Variants in SLC35F1 observed in about 807,000 individuals in gnomAD.
SLC35F1 encodes solute carrier family 35 member F1.
A neutral mutation model predicts 48.7 loss-of-function variants in SLC35F1; 14 were observed. The ratio of observed to expected loss-of-function variants is 0.29; its 90% CI spans 0.19 to 0.45. The LOEUF (loss-of-function observed/expected upper bound fraction) is 0.45. SLC35F1 is among the 20% of genes least tolerant of loss of function. SLC35F1 has a pLI of 1.00. For synonymous variants in SLC35F1, 190 were observed against 202.2 expected, an observed-to-expected ratio of 0.94 and a Z score of 0.51; for missense variants, 404 against 500.0, an observed-to-expected ratio of 0.81 and a Z score of 1.83.
chr6:118,285,597 G>A (rs917064799), intron 7 of SLC35F1, among the ~76,000 whole-genome samples: 5 of 152,192 alleles, frequency 3.3e-5, no homozygotes, highest in Non-Finnish European at 7.4e-5. Flanking sequence ...GAATACTGGG[G>A]ACAGCTTTCC....
At chr6:118,218,389 A>T (rs772445267) in intron 2 of SLC35F1, among the ~76,000 whole-genome samples, 3 of 152,160 alleles carry the variant, frequency 2.0e-5, no homozygotes, top group Non-Finnish European at 2.9e-5. Flanking sequence ...TTGAAGTCAG[A>T]TCTAAAAATA....
intron 1 of SLC35F1, among the ~76,000 whole-genome samples, chr6:117,991,290 G>GA (rs144270421): frequency 0.018 from 2,740 of 148,472 alleles, 33 homozygotes; most frequent in East Asian, 0.032. Flanking sequence ...AGTTCTTTCA[G>GA]AAAAAAAAAA....
chr6:118,295,882 T>G (rs1776177359), intron 7 of SLC35F1, among the ~76,000 whole-genome samples: 1 of 152,186 alleles, frequency 6.6e-6, no homozygotes, highest in Non-Finnish European at 1.5e-5. Flanking sequence ...GTATTACACA[T>G]GGAATACCAA....
At chr6:118,009,231 T>C (rs540100149) in intron 1 of SLC35F1, among the ~76,000 whole-genome samples, 3 of 152,134 alleles carry the variant, frequency 2.0e-5, no homozygotes, top group Non-Finnish European at 4.4e-5. Flanking sequence ...TCTGCCTTCA[T>C]GGATAGAGGA....
intron 7 of SLC35F1, among the ~76,000 whole-genome samples, chr6:118,300,299 A>T (rs1776241317): frequency 6.6e-6 from 1 of 152,208 alleles, no homozygotes; most frequent in Non-Finnish European, 1.5e-5. Context: ...ACAGGAAGTC[A>T]TATGCAAATA....
rs185752328 is a variant in SLC35F1, at chr6:118,204,494, T to C, written c.350-31015T>C. Among the ~76,000 whole-genome samples, 239 of 152,332 alleles carry C rather than the reference T, an allele frequency of 1.6e-3. 1 individual carries two copies. Among genetic ancestry groups the C allele is most frequent in the Middle Eastern group, 0.014 (4 of 294 alleles). The stretch of plus-strand genomic sequence containing the variant: ...ACAAATGAAGCATATCTTCTCGTAA[T>C]TTCTGACCACTAGTCAATTCCTATG... On this transcript the variant is annotated intron_variant, in intron 2 of 7. Transcript: ENST00000360388.
At chr6:117,930,122 T>C (rs1776081838) in intron 1 of SLC35F1, among the ~76,000 whole-genome samples, 1 of 152,170 alleles carries the variant, frequency 6.6e-6, no homozygotes, top group Admixed American at 6.6e-5. Context: ...AGAGCAGATA[T>C]TAGTTGGTAC....
chr6:118,063,890 G>A (rs952844811), intron 1 of SLC35F1, among the ~76,000 whole-genome samples: 1 of 152,144 alleles, frequency 6.6e-6, no homozygotes. Flanking sequence ...TAGTGAAGGT[G>A]TGGTAATGCA....
At chr6:117,979,012 G>C (rs1038491798) in intron 1 of SLC35F1, among the ~76,000 whole-genome samples, 3 of 151,984 alleles carry the variant, frequency 2.0e-5, no homozygotes, top group African/African-American at 7.2e-5. Context: ...TCTGGTCCCT[G>C]TCAGGCTTGA....
At chr6:118,171,043 T>A (rs919372084) in intron 2 of SLC35F1, among the ~76,000 whole-genome samples, 20 of 152,184 alleles carry the variant, frequency 1.3e-4, no homozygotes, top group African/African-American at 4.6e-4. Flanking sequence ...TTTGTTCTTC[T>A]TTTTTCTTTT....
At chr6:117,972,589 C>T (rs527897812) in intron 1 of SLC35F1, among the ~76,000 whole-genome samples, 9 of 152,238 alleles carry the variant, frequency 5.9e-5, no homozygotes, top group East Asian at 3.9e-4. Flanking sequence ...TGGCAGAAGG[C>T]GAAGGAGGAG....
At chr6:118,292,940 A>T (rs1776142626) in intron 7 of SLC35F1, among the ~76,000 whole-genome samples, 1 of 152,176 alleles carries the variant, frequency 6.6e-6, no homozygotes, top group Non-Finnish European at 1.5e-5. Flanking sequence ...ACCTGACAAC[A>T]TTATTGAATC....
At chr6:118,123,118 T>C (rs1414050371) in intron 1 of SLC35F1, among the ~76,000 whole-genome samples, 1 of 152,184 alleles carries the variant, frequency 6.6e-6, no homozygotes, top group Non-Finnish European at 1.5e-5. Context: ...TTGTATTATG[T>C]TCCTTGTATT....
At chr6:117,999,899 G>A (rs1257470335) in intron 1 of SLC35F1, among the ~76,000 whole-genome samples, 1 of 151,960 alleles carries the variant, frequency 6.6e-6, no homozygotes, top group Non-Finnish European at 1.5e-5. Context: ...ACTAAACCAG[G>A]AAGAAGTTGA....
chr6:118,112,533 G>A (rs1036913938), intron 1 of SLC35F1, among the ~76,000 whole-genome samples: 1 of 151,880 alleles, frequency 6.6e-6, no homozygotes, highest in African/African-American at 2.4e-5. Flanking sequence ...TGCACTGTGG[G>A]CTTACCCTGA....
intron 1 of SLC35F1, among the ~76,000 whole-genome samples, chr6:118,147,843 T>C (rs957415480): frequency 9.2e-5 from 14 of 152,284 alleles, no homozygotes; most frequent in African/African-American, 3.4e-4. Flanking sequence ...ATGGATACCA[T>C]GGAGCCAAAG....
intron 3 of SLC35F1, among the ~76,000 whole-genome samples, chr6:118,258,318 C>T (rs1302831296): frequency 6.6e-6 from 1 of 152,108 alleles, no homozygotes; most frequent in Non-Finnish European, 1.5e-5. Context: ...ACATCAATAT[C>T]ACTGTGCTCT....
At chr6:118,159,564 C>A (rs1348907849) in intron 2 of SLC35F1, among the ~76,000 whole-genome samples, 1 of 152,160 alleles carries the variant, frequency 6.6e-6, no homozygotes, top group Non-Finnish European at 1.5e-5. Context: ...CTCCTTGTAT[C>A]TACTATCTTC....
rs572833666 is a variant in SLC35F1, at chr6:118,044,533, C to T, written c.174-109912C>T. On this transcript the variant is annotated intron_variant, in intron 1 of 7. Coordinates refer to ENST00000360388, the MANE Select transcript of SLC35F1 (RefSeq NM_001029858.4). ...GGCCACCATGGCTCAGAGGCTGTGA[C>T]TGGGAGGCCCTGGCAGTATTTCTGT... Among the ~76,000 whole-genome samples, 82 of 152,282 alleles carry T rather than the reference C, an allele frequency of 5.4e-4. No individual in the cohort carries two copies. In the Middle Eastern group the frequency reaches 0.01, roughly 19 times the overall value.
Sources: gnomAD v4.1 joint callset for allele counts (sites outside exome capture counted in the v4.1 genomes callset) on GRCh38, gnomAD v4.1.1 for gene constraint, MANE v1.5 for transcripts, NCBI Gene and HGNC (gene_info 2026-07-23, HGNC 2026-07-21) for gene names.